DYNC1H1: variants seen among roughly 807,000 people sequenced by gnomAD.
DYNC1H1 encodes the protein cytoplasmic dynein 1 heavy chain 1.
In DYNC1H1, 51 loss-of-function variants were observed where a neutral mutation model predicts 527.1. That is an observed-to-expected ratio of 0.10 (90% CI 0.08 to 0.12). The LOEUF (loss-of-function observed/expected upper bound fraction) is 0.12, where lower values mean the gene tolerates loss of function less well. DYNC1H1 is among the 10% of genes least tolerant of loss of function. The probability of loss-of-function intolerance (pLI) is 1.00; values close to 1 mark genes in which losing one functional copy is unlikely to be tolerated. For synonymous variants in DYNC1H1, 2,189 were observed against 2,278.8 expected (o/e 0.96, Z 1.12); for missense variants, 2,771 against 5,971.8 (o/e 0.46, Z 17.66).
intron 1 of DYNC1H1, among the ~76,000 whole-genome samples, chr14:101,974,117 G>A (rs1479838708): frequency 4.0e-5 from 6 of 151,478 alleles, no homozygotes; most frequent in Non-Finnish European, 4.4e-5. Context: ...TATTTTTTTT[G>A]AGATGGAGTT....
chr14:101,983,680 T>TTG lies in DYNC1H1; in HGVS notation c.1461+72_1461+73insGT. 1.3e-6 allele frequency: 2 copies of TTG among 1,517,152 alleles called. No individual in the cohort carries two copies. Among genetic ancestry groups the TTG allele is most frequent in the Non-Finnish European group, 1.8e-6 (2 of 1,118,710 alleles). 94.0% of individuals were successfully genotyped at this position (1,517,152 alleles called of 1,614,324 possible). On this transcript the variant is annotated intron_variant, in intron 7 of 77. Transcript: ENST00000360184. This position sits in a 1 kb window ranked among gnomAD's most constrained non-coding sequence, Gnocchi z 5.3. ...TTTGTTTTTTGTTTGGTGTTTTTTT[T>TTG]TTGTTGTTGTTGTTGAGATGAAGTT...
intron 28 of DYNC1H1, 23 bp from the exon 29 acceptor site, chr14:102,008,155 G>A (rs777829475): frequency 3.7e-5 from 60 of 1,613,036 alleles, no homozygotes; most frequent in Non-Finnish European, 5.0e-5. Context: ...TGGTTTTAGC[G>A]CCTTTCTTCC....
In DYNC1H1 at chr14:101,986,760, A is replaced by G; in HGVS notation, c.2535A>G (p.Glu845=). 1 of 1,614,206 alleles carries G rather than the reference A, an allele frequency of 6.2e-7. No individual in the cohort carries two copies. The highest frequency in any genetic ancestry group is 1.3e-5 in the African/African-American group (1 of 75,050). The part of the protein sequence containing the change: ...RLAETVFNFQ[E]KVDDLLIIEE... ...CAGAGACTGTCTTCAACTTCCAAGA[A>G]AAGGTATGCTCTCATGTAATCCTCA... is the stretch of plus-strand genomic sequence containing the variant. Residue 845 remains glutamate, a synonymous_variant, in exon 8 of 78, where the codon GAA becomes GAG. Transcript: ENST00000360184. This position sits in a 1 kb window ranked among gnomAD's most constrained non-coding sequence, Gnocchi z 8.7.
Position 102,000,304 on chromosome 14 carries a change from C to G in DYNC1H1, c.3979C>G (p.Gln1327Glu), listed in dbSNP as rs1292923605. 3 of 1,614,054 alleles carry G rather than the reference C, an allele frequency of 1.9e-6. No homozygotes were observed. In the African/African-American group the frequency reaches 4.0e-5, roughly 22 times the overall value. ...ERVQVALEELQDLKGVWSELS... is the reference protein window; with the variant it reads ...ERVQVALEELEDLKGVWSELS... ...ATCGCAGGTGGCCTTAGAAGAATTACAGGACCTCAAAGGCGTTTGGTCAGA... is the reference window on the plus strand; with the variant it reads ...ATCGCAGGTGGCCTTAGAAGAATTAGAGGACCTCAAAGGCGTTTGGTCAGA... The change falls in exon 18 of 78, where the codon CAG becomes GAG. Residue 1327 changes from glutamine (Q) to glutamate (E), a missense_variant. Gln to Glu is a conservative substitution (Grantham distance 29). Transcript: ENST00000360184.
At chr14:101,976,859 G>A (rs970875726) in intron 2 of DYNC1H1, among the ~76,000 whole-genome samples, 4 of 152,070 alleles carry the variant, frequency 2.6e-5, no homozygotes, top group Non-Finnish European at 5.9e-5. Context: ...AACAAAGAAA[G>A]CAAGTAAAAA....
intron 44 of DYNC1H1, 198 bp from the exon 45 acceptor site, chr14:102,026,976 G>A (rs1224646611): frequency 2.5e-6 from 2 of 793,702 alleles, no homozygotes; most frequent in Admixed American, 2.1e-5. Context: ...AGTCTCTCAT[G>A]TCAGTCTAGA....
rs1423241445 is a variant in DYNC1H1, at chr14:101,983,459, C to T, written c.1311C>T (p.Ile437=). Residue 437 remains isoleucine, a synonymous_variant, in exon 7 of 78, where the codon ATC becomes ATT. Coordinates refer to ENST00000360184, the MANE Select transcript of DYNC1H1 (RefSeq NM_001376.5). The surrounding 1 kb of genome is among the most constrained non-coding windows in gnomAD (Gnocchi z 5.3). Reference sequence around the variant, plus strand: ...AACTTCAGGTATTGTTGAGAGACATCGTCAAAAGAAAAAGGGAAGAAAATC... The same window carrying T: ...AACTTCAGGTATTGTTGAGAGACATTGTCAAAAGAAAAAGGGAAGAAAATC... ...YEKLQVLLRD[I]VKRKREENLK... 10 of 1,613,808 alleles carry T rather than the reference C, an allele frequency of 6.2e-6. No homozygotes were observed. The highest frequency in any genetic ancestry group is 7.6e-6 in the Non-Finnish European group (9 of 1,179,976).
At chr14:102,008,991 C>T (rs1396093795) in intron 29 of DYNC1H1, among the ~76,000 whole-genome samples, 1 of 152,212 alleles carries the variant, frequency 6.6e-6, no homozygotes, top group Non-Finnish European at 1.5e-5. Flanking sequence ...TGGTGCGGGC[C>T]CTTGGTGCCC....
chr14:101,998,879 C>CTTTTTTTTTTGTTTTT (rs1470140199), intron 16 of DYNC1H1, among the ~76,000 whole-genome samples: 2 of 115,220 alleles, frequency 1.7e-5, no homozygotes, highest in African/African-American at 3.8e-5. Flanking sequence ...AAAACTTTTT[C>CTTTTTTTTTTGTTTTT]TTTTTTTTTT....
chr14:102,002,904 C>G lies in DYNC1H1; in HGVS notation c.4822C>G (p.Leu1608Val). 6.2e-7 allele frequency: 1 copy of G among 1,614,182 alleles called. No individual in the cohort carries two copies. Residue 1608 changes from leucine (L) to valine (V), a missense_variant, in exon 23 of 78, where the codon CTA becomes GTA. Leu to Val is a conservative substitution (Grantham distance 32). Coordinates refer to ENST00000360184, the MANE Select transcript of DYNC1H1 (RefSeq NM_001376.5). The surrounding 1 kb of genome is among the most constrained non-coding windows in gnomAD (Gnocchi z 4.4). ...QRSLERLADL[L>V]GKIQKALGEY... ...GTCTCTGGAAAGATTGGCAGACCTGCTAGGAAAGATCCAGAAAGCATTGGG... is the reference window on the plus strand; with the variant it reads ...GTCTCTGGAAAGATTGGCAGACCTGGTAGGAAAGATCCAGAAAGCATTGGG...
Position 102,020,621 on chromosome 14 carries a change from T to C in DYNC1H1, c.8507+565T>C, listed in dbSNP as rs1313743359. On this transcript the variant is annotated intron_variant, in intron 42 of 77. Transcript: ENST00000360184. The surrounding 1 kb of genome is among the most constrained non-coding windows in gnomAD (Gnocchi z 4.3). The stretch of plus-strand genomic sequence containing the variant: ...CCTGTTGCCCACTTGGATCAATTCT[T>C]GTCTTGTAAGTTTTGAGTTTTTCTA... Among the ~76,000 whole-genome samples the C allele has an allele frequency of 6.6e-6, 1 of 152,220 alleles. No homozygotes were observed. Among genetic ancestry groups the C allele is most frequent in the Non-Finnish European group, 1.5e-5 (1 of 68,040 alleles).
Position 102,011,493 on chromosome 14 carries a change from C to G in DYNC1H1, c.6619-382C>G, listed in dbSNP as rs960550652. 2.3e-5 allele frequency: 8 copies of G among 353,926 alleles called. No individual in the cohort carries two copies. The highest frequency in any genetic ancestry group is 4.4e-5 in the Non-Finnish European group (8 of 182,216). The allele number at this position is 353,926 out of a possible 1,614,324, so 21.9% of individuals were successfully genotyped here. On this transcript the variant is annotated intron_variant, in intron 32 of 77. Transcript: ENST00000360184. The surrounding 1 kb of genome is among the most constrained non-coding windows in gnomAD (Gnocchi z 5.3). ...GGCTGCTCATTGGTGTCTCCTGTCC[C>G]ACTGGCTCCAGCCTTCCTGACTTAC...
rs779265112 is a variant in DYNC1H1 at position 102,018,598 on chromosome 14, G to A, written c.8325G>A (p.Glu2775=). The change falls in exon 41 of 78, where the codon GAG becomes GAA. Residue 2775 remains glutamate, a synonymous_variant. Transcript: ENST00000360184. This position sits in a 1 kb window ranked among gnomAD's most constrained non-coding sequence, Gnocchi z 5.2. The stretch of plus-strand genomic sequence containing the variant: ...AGCCGCTCACTGCTGCCATGGTGGA[G>A]TTCTACACCATGTCTCAGGTACGCA... ...YAEPLTAAMV[E]FYTMSQERFT... is the part of the protein sequence containing the mutation. The A allele has an allele frequency of 8.7e-6, 14 of 1,613,950 alleles. No homozygotes were observed. In the East Asian group the frequency reaches 8.9e-5, roughly 10 times the overall value.
At chr14:101,980,074 C>T in intron 4 of DYNC1H1, 100 bp downstream of exon 4, 1 of 1,561,352 alleles carries the variant, frequency 6.4e-7, no homozygotes, top group Non-Finnish European at 8.7e-7. Flanking sequence ...TATGTGATAA[C>T]TTGTTAGTGG....
At position 102,002,101 on chromosome 14, in the gene DYNC1H1, CTTTTTTG is replaced by C. The variant is rs1567006698; in HGVS notation, c.4542+427_4543-423del. Reference sequence around the variant, plus strand: ...ACTTGTTTTTTTGTTTGTTTGCTTGCTTTTTTGTTTTTTTTTTTTCTTTTTTTGAGAT... The same window carrying C: ...ACTTGTTTTTTTGTTTGTTTGCTTGCTTTTTTTTTTTTCTTTTTTTGAGAT... On this transcript the variant is annotated intron_variant, in intron 21 of 77. Transcript: ENST00000360184. This position sits in a 1 kb window ranked among gnomAD's most constrained non-coding sequence, Gnocchi z 4.4. Among the ~76,000 whole-genome samples, 1 of 150,028 alleles carries C rather than the reference CTTTTTTG, an allele frequency of 6.7e-6. No individual in the cohort carries two copies. The highest frequency in any genetic ancestry group is 1.5e-5 in the Non-Finnish European group (1 of 67,488).
In DYNC1H1 at chr14:102,054,015, A is replaced by C. The variant is rs530879305; in HGVS notation, c.*3452A>C. ...CAACCTCCCAAAGTGCTGGGATTAC[A>C]GGCATGAGCCATTGTGCCCAGCTGC... On this transcript the variant is annotated 3_prime_UTR_variant, in exon 78 of 78. Transcript: ENST00000360184. The C allele has an allele frequency of 6.6e-6, 1 of 152,454 alleles. No homozygotes were observed. Among genetic ancestry groups the C allele is most frequent in the South Asian group, 2.1e-4 (1 of 4,836 alleles). 9.4% of individuals were successfully genotyped at this position (152,454 alleles called of 1,614,324 possible). A position where few individuals can be genotyped will look rare whatever the true frequency, so the allele number is the denominator to read the frequency against.
intron 9 of DYNC1H1, 86 bp downstream of exon 9, chr14:101,987,718 T>TC (rs1337807848): frequency 2.2e-5 from 32 of 1,476,546 alleles, no homozygotes; most frequent in Non-Finnish European, 2.8e-5. Context: ...TAAAAAGCAT[T>TC]TTTCCTTGGA....
At position 102,038,285 on chromosome 14, in the gene DYNC1H1, T is replaced by A; in HGVS notation, c.10909-175T>A. 1 of 1,140,752 alleles carries A rather than the reference T, an allele frequency of 8.8e-7. No individual in the cohort carries two copies. Among genetic ancestry groups the A allele is most frequent in the Admixed American group, 2.0e-5 (1 of 49,530 alleles). 70.7% of individuals were successfully genotyped at this position (1,140,752 alleles called of 1,614,324 possible). ...TGAGCCACCGCATCTGGCTGAGTTT[T>A]TAATTTTAGTTCATTTAAATGTAAG... is the stretch of plus-strand genomic sequence containing the variant. On this transcript the variant is annotated intron_variant, in intron 57 of 77. Transcript: ENST00000360184. The surrounding 1 kb of genome is among the most constrained non-coding windows in gnomAD (Gnocchi z 7.2).
chr14:102,003,203 C>G (rs1358522547), intron 23 of DYNC1H1, among the ~76,000 whole-genome samples: 2 of 151,846 alleles, frequency 1.3e-5, no homozygotes, highest in Non-Finnish European at 2.9e-5. Context: ...CTTAATTTAA[C>G]TATCATCTAC....
Sources: allele counts gnomAD v4.1 joint callset (sites outside exome capture counted in the v4.1 genomes callset), GRCh38; gene constraint gnomAD v4.1.1; non-coding constraint Gnocchi (gnomAD v3.1); transcripts MANE v1.5; gene names NCBI Gene and HGNC (gene_info 2026-07-23, HGNC 2026-07-21).